LEPR: variants seen among roughly 807,000 people sequenced by gnomAD.
LEPR encodes OB receptor.
LEPR carries 56 observed loss-of-function variants against 114.7 expected under a neutral mutation model. The ratio of observed to expected loss-of-function variants is 0.49; its 90% confidence interval spans 0.39 to 0.61. The LOEUF (loss-of-function observed/expected upper bound fraction) is 0.61, where lower values mean the gene tolerates loss of function less well. Among genes scored for constraint, LEPR ranks in the 20% least tolerant of loss-of-function variants. The pLI, the probability that LEPR is intolerant of heterozygous loss-of-function variation, is 0.00. For synonymous variants in LEPR, 443 were observed against 461.4 expected (o/e 0.96, Z 0.51); for missense variants, 1,202 against 1,352.9 (o/e 0.89, Z 1.75).
At chr1:65,445,661 C>T (rs535245294) in intron 2 of LEPR, among the ~76,000 whole-genome samples, 88 of 151,430 alleles carry the variant, frequency 5.8e-4, no homozygotes, top group Non-Finnish European at 1.2e-3. Flanking sequence ...AACAGCAAAT[C>T]TTTCAATGTA....
chr1:65,618,432 C>A (rs1657668925), intron 16 of LEPR, among the ~76,000 whole-genome samples: 2 of 152,006 alleles, frequency 1.3e-5, no homozygotes, highest in Non-Finnish European at 2.9e-5. Flanking sequence ...CTCAAGCTAT[C>A]TTTCCACCTC....
At chr1:65,545,275 A>G (rs796287862) in intron 2 of LEPR, among the ~76,000 whole-genome samples, 3 of 151,294 alleles carry the variant, frequency 2.0e-5, no homozygotes, top group African/African-American at 7.3e-5. Flanking sequence ...ATACGTGTGC[A>G]TGTGTCTTTA....
In LEPR at chr1:65,633,464, T is replaced by C; in HGVS notation, c.2674-2727T>C. ...GGCTTTTGATTTGTCATATTCCTGG[T>C]CATAAAACATTAAGAAAATTATGGC... On this transcript the variant is annotated intron_variant, in intron 19 of 19. Coordinates refer to ENST00000349533, the MANE Select transcript of LEPR (RefSeq NM_002303.6). This position sits in a 1 kb window ranked among gnomAD's most constrained non-coding sequence, Gnocchi z 4.1. 8.3e-7 allele frequency: 1 copy of C among 1,211,586 alleles called. No individual in the cohort carries two copies. The highest frequency in any genetic ancestry group is 3.8e-5 in the East Asian group (1 of 26,660). The allele number at this position is 1,211,586 out of a possible 1,614,324, so 75.1% of individuals were successfully genotyped here.
At position 65,640,788 on chromosome 1, in the gene LEPR, G is replaced by A. The variant is rs976294101; in HGVS notation, c.*3773G>A. 13 of 133,154 alleles carry A rather than the reference G, an allele frequency of 9.8e-5. No homozygotes were observed. The highest frequency in any genetic ancestry group is 3.5e-4 in the African/African-American group (13 of 36,708). The allele number at this position is 133,154 out of a possible 1,614,324, so 8.2% of individuals were successfully genotyped here. The stretch of plus-strand genomic sequence containing the variant: ...GCTTTTTTTTTTTTTTTTTTAGGAA[G>A]TCTTGCTCTGTTGCCCAGCTGGAGT... On this transcript the variant is annotated 3_prime_UTR_variant, in exon 20 of 20. Coordinates refer to ENST00000349533, the MANE Select transcript of LEPR (RefSeq NM_002303.6).
chr1:65,558,524 AAGTTTTTTTTTT>A (rs1653010822), intron 2 of LEPR, among the ~76,000 whole-genome samples: 1 of 24,066 alleles, frequency 4.2e-5, no homozygotes, highest in Non-Finnish European at 7.7e-5. Context: ...TTTGAATCAG[AAGTTTTTTTTTT>A]TGTTTTTTTT....
In LEPR at chr1:65,564,872, T is replaced by A. The variant is rs865867468; in HGVS notation, c.-20-674T>A. On this transcript the variant is annotated intron_variant, in intron 2 of 19. Transcript: ENST00000349533. The stretch of plus-strand genomic sequence containing the variant: ...TATACTACTATTTGGATTTATGACA[T>A]AGTAGTACAAATAATCATATTTGTG... Among the ~76,000 whole-genome samples, 18 of 152,318 alleles carry A rather than the reference T, an allele frequency of 1.2e-4. No homozygotes were observed. In the South Asian group the frequency reaches 1.4e-3, roughly 12 times the overall value.
In LEPR at chr1:65,443,130, A is replaced by G. The variant is rs546351388; in HGVS notation, c.-21+17752A>G. Reference sequence around the variant, plus strand: ...ATAAACAGATTATTATTTGCATTCTATGCTCTTATTTACTTAGAAAATCCA... The same window carrying G: ...ATAAACAGATTATTATTTGCATTCTGTGCTCTTATTTACTTAGAAAATCCA... On this transcript the variant is annotated intron_variant, in intron 2 of 19. Coordinates refer to ENST00000349533, the MANE Select transcript of LEPR (RefSeq NM_002303.6). Among the ~76,000 whole-genome samples, 7 of 152,350 alleles carry G rather than the reference A, an allele frequency of 4.6e-5. No individual in the cohort carries two copies. The East Asian group carries it at 1.3e-3, about 29-fold the overall frequency.
At chr1:65,629,220 G>T in intron 19 of LEPR, 1 of 260,660 alleles carries the variant, frequency 3.8e-6, no homozygotes, top group Non-Finnish European at 7.5e-6. Flanking sequence ...CTATTTCTTG[G>T]AGCTCCCCTG....
At chr1:65,577,241 G>C (rs1315248191) in intron 5 of LEPR, 1 of 155,902 alleles carries the variant, frequency 6.4e-6, no homozygotes, top group Non-Finnish European at 1.4e-5. Context: ...TGTGTGGACT[G>C]CTACACTCAT....
At position 65,601,883 on chromosome 1, in the gene LEPR, A is replaced by C; in HGVS notation, c.1326A>C (p.Leu442Phe). The change falls in exon 10 of 20, where the codon TTA becomes TTC. Residue 442 changes from leucine (L) to phenylalanine (F), a missense_variant. Transcript: ENST00000349533. ...INISCETDGYLTKMTCRWSTS... is the reference protein window; with the variant it reads ...INISCETDGYFTKMTCRWSTS... ...TCTCATGTGAAACTGATGGGTACTTAACTAAAATGACTTGCAGATGGTCAA... is the reference window on the plus strand; with the variant it reads ...TCTCATGTGAAACTGATGGGTACTTCACTAAAATGACTTGCAGATGGTCAA... The C allele has an allele frequency of 6.2e-7, 1 of 1,613,678 alleles. No individual in the cohort carries two copies. The highest frequency in any genetic ancestry group is 2.2e-5 in the East Asian group (1 of 44,840).
At position 65,449,160 on chromosome 1, in the gene LEPR, G is replaced by A. The variant is rs191999216; in HGVS notation, c.-21+23782G>A. Among the ~76,000 whole-genome samples the A allele has an allele frequency of 1.1e-4, 16 of 152,098 alleles. No homozygotes were observed. In the East Asian group the frequency reaches 1.5e-3, roughly 15 times the overall value. Reference sequence around the variant, plus strand: ...CCACCTGCCTTGGCCTCCCAAAGGCGTAAGCCACTGCACCTGGCCTCATTT... The same window carrying A: ...CCACCTGCCTTGGCCTCCCAAAGGCATAAGCCACTGCACCTGGCCTCATTT... On this transcript the variant is annotated intron_variant, in intron 2 of 19. Coordinates refer to ENST00000349533, the MANE Select transcript of LEPR (RefSeq NM_002303.6).
At chr1:65,580,734 C>T (rs1203521580) in intron 5 of LEPR, among the ~76,000 whole-genome samples, 1 of 152,166 alleles carries the variant, frequency 6.6e-6, no homozygotes, top group Non-Finnish European at 1.5e-5. Context: ...GAAGACATAA[C>T]AGCAAAGTTT....
At chr1:65,535,551 A>G (rs552743860) in intron 2 of LEPR, among the ~76,000 whole-genome samples, 5 of 151,894 alleles carry the variant, frequency 3.3e-5, no homozygotes, top group East Asian at 1.9e-4. Flanking sequence ...AAGTCTTGCT[A>G]TGTTACACAG....
chr1:65,469,310 G>A (rs1281583326), intron 2 of LEPR, among the ~76,000 whole-genome samples: 1 of 152,174 alleles, frequency 6.6e-6, no homozygotes, highest in African/African-American at 2.4e-5. Flanking sequence ...TGAAAGTTGA[G>A]GACAATGTGG....
intron 6 of LEPR, among the ~76,000 whole-genome samples, chr1:65,594,824 T>A (rs568250562): frequency 1.3e-5 from 2 of 152,050 alleles, no homozygotes; most frequent in Admixed American, 6.6e-5. Flanking sequence ...TATGTTGTTG[T>A]AGAAGCCAAG....
intron 2 of LEPR, among the ~76,000 whole-genome samples, chr1:65,536,589 G>T (rs1650795234): frequency 6.6e-6 from 1 of 151,944 alleles, no homozygotes; most frequent in Non-Finnish European, 1.5e-5. Flanking sequence ...AGCTCACTAA[G>T]AATTATATAT....
At chr1:65,600,909 T>C (rs866420837) in intron 8 of LEPR, among the ~76,000 whole-genome samples, 82 of 152,154 alleles carry the variant, frequency 5.4e-4, no homozygotes, top group Middle Eastern at 3.4e-3. Context: ...TATCTTTACC[T>C]ACTTACTTGA....
intron 5 of LEPR, among the ~76,000 whole-genome samples, chr1:65,583,029 A>G (rs1054124622): frequency 5.2e-5 from 7 of 134,446 alleles, no homozygotes; most frequent in Admixed American, 1.5e-4. Flanking sequence ...AAACAACTAG[A>G]AAACTGGAAA....
intron 2 of LEPR, among the ~76,000 whole-genome samples, chr1:65,495,812 C>T (rs1353406984): frequency 6.6e-6 from 1 of 152,156 alleles, no homozygotes; most frequent in Non-Finnish European, 1.5e-5. Context: ...GAACGACACA[C>T]ACCACAAGAT....
Sources: gnomAD v4.1 joint callset for allele counts (sites outside exome capture counted in the v4.1 genomes callset) on GRCh38, gnomAD v4.1.1 for gene constraint, Gnocchi (gnomAD v3.1) non-coding constraint, MANE v1.5 for transcripts, NCBI Gene and HGNC (gene_info 2026-07-23, HGNC 2026-07-21) for gene names.